HCN1: variants seen among roughly 807,000 people sequenced by gnomAD.
HCN1 encodes the protein hyperpolarization activated cyclic nucleotide gated potassium channel 1.
A neutral mutation model predicts 78.9 loss-of-function variants in HCN1; 13 were observed. That is an observed-to-expected ratio of 0.16 (90% CI 0.11 to 0.26). The LOEUF (loss-of-function observed/expected upper bound fraction) is 0.26. Ranked by LOEUF, HCN1 falls within the 10% of genes least tolerant of loss-of-function variation. HCN1 has a pLI of 1.00. For missense variants in HCN1, 810 were observed against 1,154.3 expected (o/e 0.70, Z 4.32); for synonymous variants, 552 against 455.5 (o/e 1.21, Z -2.70).
At chr5:45,616,649 T>C (rs992816869) in intron 2 of HCN1, among the ~76,000 whole-genome samples, 5 of 152,008 alleles carry the variant, frequency 3.3e-5, no homozygotes, top group African/African-American at 7.2e-5. Flanking sequence ...ATCTTTGTTT[T>C]ACATTACATT....
chr5:45,428,452 T>A (rs1006848316), intron 3 of HCN1, among the ~76,000 whole-genome samples: 3 of 152,104 alleles, frequency 2.0e-5, no homozygotes, highest in Non-Finnish European at 4.4e-5. Flanking sequence ...TGAAGAAATT[T>A]AGAATCATTC....
In HCN1 at chr5:45,638,327, T is replaced by C. The variant is rs528681906; in HGVS notation, c.849+6858A>G. Among the ~76,000 whole-genome samples, 233 of 152,256 alleles carry C rather than the reference T, an allele frequency of 1.5e-3. 6 individuals carry two copies. The South Asian group carries it at 0.048, about 31-fold the overall frequency. ...AACTTGGATATCAATCTGATTATTA[T>C]CAACATATAGCCATGGAATTATAGA... On this transcript the variant is annotated intron_variant, in intron 2 of 7. Transcript: ENST00000303230.
At chr5:45,303,471 T>C in intron 6 of HCN1, 128 bp downstream of exon 6, 1 of 884,684 alleles carries the variant, frequency 1.1e-6, no homozygotes, top group Non-Finnish European at 1.8e-6. Flanking sequence ...TATAGACACT[T>C]TTATCAGAAT....
At chr5:45,310,809 T>C (rs1016483753) in intron 5 of HCN1, among the ~76,000 whole-genome samples, 13 of 152,180 alleles carry the variant, frequency 8.5e-5, no homozygotes, top group Non-Finnish European at 5.9e-5. Flanking sequence ...GTGGTAAATA[T>C]ATAGCATGGA....
At chr5:45,417,900 C>A (rs1740149911) in intron 3 of HCN1, among the ~76,000 whole-genome samples, 1 of 151,330 alleles carries the variant, frequency 6.6e-6, no homozygotes, top group Non-Finnish European at 1.5e-5. Context: ...CTCATTTAGA[C>A]CACTGAACAA....
chr5:45,431,038 G>C (rs1026955496), intron 3 of HCN1, among the ~76,000 whole-genome samples: 2 of 152,062 alleles, frequency 1.3e-5, no homozygotes, highest in African/African-American at 4.8e-5. Flanking sequence ...TTCCACAATG[G>C]TTGAACTAAA....
At chr5:45,584,247 C>T (rs1452774394) in intron 2 of HCN1, among the ~76,000 whole-genome samples, 1 of 152,080 alleles carries the variant, frequency 6.6e-6, no homozygotes, top group African/African-American at 2.4e-5. Context: ...GGATAGTTAG[C>T]TCTTCTTGTT....
At chr5:45,289,568 G>C (rs916776047) in intron 6 of HCN1, among the ~76,000 whole-genome samples, 8 of 152,062 alleles carry the variant, frequency 5.3e-5, no homozygotes, top group Non-Finnish European at 8.8e-5. Flanking sequence ...AATCACACCA[G>C]AGTGTGGCAA....
intron 2 of HCN1, among the ~76,000 whole-genome samples, chr5:45,477,295 T>C (rs1741541104): frequency 1.3e-5 from 2 of 152,152 alleles, no homozygotes; most frequent in Non-Finnish European, 2.9e-5. Flanking sequence ...TAACACATTG[T>C]TCAGTAAGTA....
chr5:45,305,812 AG>A (rs1745722354), intron 5 of HCN1, among the ~76,000 whole-genome samples: 1 of 148,286 alleles, frequency 6.7e-6, no homozygotes, highest in African/African-American at 2.5e-5. Context: ...GAAGGAATGA[AG>A]GAAGCAAGGA....
chr5:45,500,716 C>T (rs1241485455), intron 2 of HCN1, among the ~76,000 whole-genome samples: 1 of 152,118 alleles, frequency 6.6e-6, no homozygotes, highest in Non-Finnish European at 1.5e-5. Flanking sequence ...TTTGCAAAAT[C>T]ACACAAAAAG....
chr5:45,679,520 TA>T (rs1275613797), intron 1 of HCN1, among the ~76,000 whole-genome samples: 2 of 152,146 alleles, frequency 1.3e-5, no homozygotes, highest in Non-Finnish European at 2.9e-5. Context: ...TTTGGGTATT[TA>T]AAACAACATA....
At chr5:45,377,465 T>C (rs956011858) in intron 4 of HCN1, among the ~76,000 whole-genome samples, 1 of 152,132 alleles carries the variant, frequency 6.6e-6, no homozygotes, top group African/African-American at 2.4e-5. Flanking sequence ...TAATATAACT[T>C]TTCAAATACT....
At chr5:45,378,520 C>G (rs978555310) in intron 4 of HCN1, among the ~76,000 whole-genome samples, 1 of 151,984 alleles carries the variant, frequency 6.6e-6, no homozygotes, top group Admixed American at 6.6e-5. Flanking sequence ...ATTTAAGCAC[C>G]CCTATCTCCA....
chr5:45,515,073 A>G (rs1293286347), intron 2 of HCN1, among the ~76,000 whole-genome samples: 3 of 152,008 alleles, frequency 2.0e-5, no homozygotes, highest in Non-Finnish European at 4.4e-5. Context: ...GTATGCCTAC[A>G]AAACTTTTTC....
chr5:45,605,283 A>T (rs1180918121), intron 2 of HCN1, among the ~76,000 whole-genome samples: 1 of 152,030 alleles, frequency 6.6e-6, no homozygotes, highest in Non-Finnish European at 1.5e-5. Context: ...AATTAAAAAC[A>T]TTCATGTCTT....
rs2111839366 is a variant in HCN1, at chr5:45,262,446, A to G, written c.2148T>C (p.Thr716=). The part of the protein sequence containing the change: ...PPVQSPLAAR[T]FHYASPTASQ... The stretch of plus-strand genomic sequence containing the variant: ...AGGCGGTGGGGGAGGCATAGTGGAA[A>G]GTTCGAGCGGCCAGAGGGCTCTGTA... The change falls in exon 8 of 8, where the codon ACT becomes ACC. Residue 716 remains threonine, a synonymous_variant. Transcript: ENST00000303230. The G allele has an allele frequency of 6.2e-7, 1 of 1,612,064 alleles. No homozygotes were observed. The highest frequency in any genetic ancestry group is 1.1e-5 in the South Asian group (1 of 91,026).
chr5:45,666,807 A>G (rs1476955859), intron 1 of HCN1, among the ~76,000 whole-genome samples: 1 of 152,076 alleles, frequency 6.6e-6, no homozygotes, highest in Non-Finnish European at 1.5e-5. Context: ...ATAAATAAAG[A>G]CACTGCATCA....
chr5:45,438,170 G>A (rs1364812132), intron 3 of HCN1, among the ~76,000 whole-genome samples: 1 of 152,192 alleles, frequency 6.6e-6, no homozygotes, highest in Admixed American at 6.5e-5. Context: ...ATTGGGAGAT[G>A]TCTACCACAC....
Sources: gnomAD v4.1 joint callset for allele counts (sites outside exome capture counted in the v4.1 genomes callset) on GRCh38, gnomAD v4.1.1 for gene constraint, MANE v1.5 for transcripts, NCBI Gene and HGNC (gene_info 2026-07-23, HGNC 2026-07-21) for gene names.